WDTC1: variants seen among roughly 807,000 people sequenced by gnomAD.
WDTC1 encodes the protein WD and tetratricopeptide repeats 1, also known as WD and tetratricopeptide repeats protein 1.
A neutral mutation model predicts 76.0 loss-of-function variants in WDTC1; 12 were observed. That is an observed-to-expected ratio of 0.16 (90% CI 0.10 to 0.26). The LOEUF (loss-of-function observed/expected upper bound fraction) is 0.26, where lower values mean the gene tolerates loss of function less well. Ranked by LOEUF, WDTC1 falls within the 10% of genes least tolerant of loss-of-function variation. WDTC1 has a pLI of 1.00. For missense variants in WDTC1, 511 were observed against 908.8 expected, an observed-to-expected ratio of 0.56 and a Z score of 5.63; for synonymous variants, 326 against 350.8, an observed-to-expected ratio of 0.93 and a Z score of 0.79.
At chr1:27,296,233 C>A in intron 9 of WDTC1, 93 bp from the exon 10 acceptor site, 1 of 1,412,666 alleles carries the variant, frequency 7.1e-7, no homozygotes, top group Non-Finnish European at 1.0e-6. Flanking sequence ...TGTTCCAAGA[C>A]TCTAGTTCTT....
At position 27,305,125 on chromosome 1, in the gene WDTC1, C is replaced by G; in HGVS notation, c.1768C>G (p.Pro590Ala). The change falls in exon 15 of 16, where the codon CCC becomes GCC. Residue 590 changes from proline to alanine, a missense_variant. Pro to Ala is a conservative substitution (Grantham distance 27). Coordinates refer to ENST00000319394, the MANE Select transcript of WDTC1 (RefSeq NM_001276252.2). The surrounding 1 kb of genome is among the most constrained non-coding windows in gnomAD (Gnocchi z 4.6). ...CATTGTCAACTGCCTGCAGCCACAC[C>G]CCAGCTACTGCTTCCTGGCCACCAG... is the stretch of plus-strand genomic sequence containing the variant. ...ESIVNCLQPH[P>A]SYCFLATSGI... is the part of the protein sequence containing the mutation. 6.2e-7 allele frequency: 1 copy of G among 1,614,126 alleles called. No individual in the cohort carries two copies. The highest frequency in any genetic ancestry group is 8.5e-7 in the Non-Finnish European group (1 of 1,179,992).
At chr1:27,282,307 T>C (rs1184122965) in intron 4 of WDTC1, 22 bp downstream of exon 4, 3 of 1,610,814 alleles carry the variant, frequency 1.9e-6, no homozygotes, top group Middle Eastern at 1.6e-4. Context: ...CTAGAGCACC[T>C]GAAGGGTGCT....
rs2013939745 is a variant in WDTC1 at position 27,305,745 on chromosome 1, T to C, written c.1837-441T>C. On this transcript the variant is annotated intron_variant, in intron 15 of 15. Transcript: ENST00000319394. This position sits in a 1 kb window ranked among gnomAD's most constrained non-coding sequence, Gnocchi z 4.6. ...CAAGTGGTATGTCTGATTCCCAAGA[T>C]AATTTGCTGTGACTTTTAAAGAGAG... Among the ~76,000 whole-genome samples the C allele has an allele frequency of 6.6e-6, 1 of 152,050 alleles. No individual in the cohort carries two copies.
intron 9 of WDTC1, among the ~76,000 whole-genome samples, chr1:27,295,535 C>T (rs929855440): frequency 2.6e-5 from 4 of 151,752 alleles, no homozygotes; most frequent in Admixed American, 2.6e-4. Context: ...CTCACTGCAA[C>T]CTCCGCTCTG....
chr1:27,258,666 C>T (rs752121880), intron 1 of WDTC1, among the ~76,000 whole-genome samples: 3 of 152,222 alleles, frequency 2.0e-5, no homozygotes, highest in Middle Eastern at 6.8e-3. Flanking sequence ...AATTTGGCAG[C>T]GAGTTTTTTT....
At position 27,301,213 on chromosome 1, in the gene WDTC1, C is replaced by A. The variant is rs766533778; in HGVS notation, c.1233-13C>A. On this transcript the variant is annotated splice_polypyrimidine_tract_variant and intron_variant, in intron 12 of 15. Transcript: ENST00000319394. The surrounding 1 kb of genome is among the most constrained non-coding windows in gnomAD (Gnocchi z 5.8). ...TGGCTCCACCTCCAAGCCGCTCTTC[C>A]CTGCCTTCCCAGGGATGGTGACCAC... 6.2e-7 allele frequency: 1 copy of A among 1,612,290 alleles called. No homozygotes were observed. Among genetic ancestry groups the A allele is most frequent in the East Asian group, 2.2e-5 (1 of 44,842 alleles).
At chr1:27,297,842 G>T in intron 11 of WDTC1, 96 bp from the exon 12 acceptor site, 1 of 1,377,840 alleles carries the variant, frequency 7.3e-7, no homozygotes, top group Non-Finnish European at 9.7e-7. Flanking sequence ...CAGGGGCCAA[G>T]AAAATCTGGG....
intron 6 of WDTC1, among the ~76,000 whole-genome samples, chr1:27,288,812 C>G (rs2013422422): frequency 6.6e-6 from 1 of 152,126 alleles, no homozygotes; most frequent in Non-Finnish European, 1.5e-5. Flanking sequence ...TCCCCCCTTT[C>G]TATTCCACAA....
chr1:27,306,167 ACC>A lies in WDTC1; in HGVS notation c.1837-16_1837-15del, dbSNP rs747998149. On this transcript the variant is annotated splice_polypyrimidine_tract_variant and intron_variant, in intron 15 of 15. Coordinates refer to ENST00000319394, the MANE Select transcript of WDTC1 (RefSeq NM_001276252.2). This position sits in a 1 kb window ranked among gnomAD's most constrained non-coding sequence, Gnocchi z 5.0. ...TCCCTCCCTGAGCCCCACGTGTGTC[ACC>A]CCTTTCTCCACCACAGAGTGAAGAC... 3 of 1,612,606 alleles carry A rather than the reference ACC, an allele frequency of 1.9e-6. No individual in the cohort carries two copies. The South Asian group carries it at 3.3e-5, about 18-fold the overall frequency.
intron 1 of WDTC1, among the ~76,000 whole-genome samples, chr1:27,246,973 C>T (rs568179363): frequency 1.3e-5 from 2 of 150,648 alleles, no homozygotes; most frequent in South Asian, 4.3e-4. Flanking sequence ...CCTAAGTAAT[C>T]CTCCTACCTC....
In WDTC1 at chr1:27,306,523, T is replaced by G; in HGVS notation, c.*140T>G. 9.0e-7 allele frequency: 1 copy of G among 1,113,868 alleles called. No individual in the cohort carries two copies. The highest frequency in any genetic ancestry group is 1.2e-6 in the Non-Finnish European group (1 of 803,508). 69.0% of individuals were successfully genotyped at this position (1,113,868 alleles called of 1,614,324 possible). On this transcript the variant is annotated 3_prime_UTR_variant, in exon 16 of 16. Transcript: ENST00000319394. The surrounding 1 kb of genome is among the most constrained non-coding windows in gnomAD (Gnocchi z 5.0). Reference sequence around the variant, plus strand: ...CCTGTTTTGTTTGTTAGTTTGGCGTTAGGGGTGGAGGTTGCTACAACTTGC... The same window carrying G: ...CCTGTTTTGTTTGTTAGTTTGGCGTGAGGGGTGGAGGTTGCTACAACTTGC...
intron 7 of WDTC1, among the ~76,000 whole-genome samples, 155 bp downstream of exon 7, chr1:27,292,552 C>T (rs1334065936): frequency 6.6e-6 from 1 of 152,024 alleles, no homozygotes; most frequent in Non-Finnish European, 1.5e-5. Context: ...CTCAGCCTCT[C>T]AAGTAGCTGA....
At chr1:27,240,371 G>A (rs1344922367) in intron 1 of WDTC1, among the ~76,000 whole-genome samples, 1 of 152,124 alleles carries the variant, frequency 6.6e-6, no homozygotes, top group Non-Finnish European at 1.5e-5. Context: ...CCTTAGCTCT[G>A]TGACCTAGGG....
chr1:27,234,449 C>A, upstream of WDTC1: 1 of 252,724 alleles, frequency 4.0e-6, no homozygotes, highest in Non-Finnish European at 7.6e-6. Context: ...CACGGCGGTG[C>A]GGGGCTCCCC....
At chr1:27,237,062 T>C (rs1159441549) in intron 1 of WDTC1, among the ~76,000 whole-genome samples, 1 of 152,158 alleles carries the variant, frequency 6.6e-6, no homozygotes, top group African/African-American at 2.4e-5. Context: ...GGTCTTGAAC[T>C]CCTGACCTCG....
At chr1:27,246,221 C>T (rs2011826091) in intron 1 of WDTC1, among the ~76,000 whole-genome samples, 1 of 152,186 alleles carries the variant, frequency 6.6e-6, no homozygotes, top group South Asian at 2.1e-4. Context: ...AAAAGAAACA[C>T]ATACCCTTGA....
At chr1:27,240,416 C>G (rs2011593354) in intron 1 of WDTC1, among the ~76,000 whole-genome samples, 1 of 152,158 alleles carries the variant, frequency 6.6e-6, no homozygotes, top group African/African-American at 2.4e-5. Context: ...ATAGTTTCAC[C>G]TATAAAATGA....
At chr1:27,271,952 A>T (rs1477531915) in intron 3 of WDTC1, among the ~76,000 whole-genome samples, 5 of 147,622 alleles carry the variant, frequency 3.4e-5, no homozygotes, top group Admixed American at 1.3e-4. Context: ...TTTTTTTTTT[A>T]AATAAAAAAT....
chr1:27,295,734 A>AT (rs1238644667), intron 9 of WDTC1, among the ~76,000 whole-genome samples: 1 of 152,044 alleles, frequency 6.6e-6, no homozygotes, highest in Non-Finnish European at 1.5e-5. Context: ...GATTACAGGC[A>AT]TTAACCACTG....
Sources: allele counts gnomAD v4.1 joint callset (sites outside exome capture counted in the v4.1 genomes callset), GRCh38; gene constraint gnomAD v4.1.1; non-coding constraint Gnocchi (gnomAD v3.1); transcripts MANE v1.5; gene names NCBI Gene and HGNC (gene_info 2026-07-23, HGNC 2026-07-21).